Variants in TMEM132B observed in about 807,000 individuals in gnomAD.
TMEM132B encodes the protein transmembrane protein 132B.
A neutral mutation model predicts 90.8 loss-of-function variants in TMEM132B; 18 were observed. The observed-to-expected ratio is 0.20, with a 90% CI of 0.14 to 0.29. TMEM132B has a LOEUF of 0.29. TMEM132B is among the 10% of genes least tolerant of loss of function. The probability of loss-of-function intolerance (pLI) is 1.00; values close to 1 mark genes in which losing one functional copy is unlikely to be tolerated. For synonymous variants in TMEM132B, 504 were observed against 523.3 expected, an observed-to-expected ratio of 0.96 and a Z score of 0.50; for missense variants, 1,096 against 1,326.8, an observed-to-expected ratio of 0.83 and a Z score of 2.70.
chr12:125,556,111 G>T (rs1884379406), intron 4 of TMEM132B, among the ~76,000 whole-genome samples: 1 of 152,216 alleles, frequency 6.6e-6, no homozygotes, highest in South Asian at 2.1e-4. Flanking sequence ...CGAGCTGTCA[G>T]AATTGGTATC....
At chr12:125,204,876 C>A (rs1455419169) in intron 1 of TMEM132B, among the ~76,000 whole-genome samples, 1 of 146,504 alleles carries the variant, frequency 6.8e-6, no homozygotes, top group Non-Finnish European at 1.5e-5. Context: ...TGTGGAGTAT[C>A]TCATGAATCC....
At chr12:125,374,490 T>TA (rs1566016805) in intron 2 of TMEM132B, among the ~76,000 whole-genome samples, 1 of 151,950 alleles carries the variant, frequency 6.6e-6, no homozygotes, top group African/African-American at 2.4e-5. Context: ...AACTAGTAAT[T>TA]AGACAGTCCC....
intron 4 of TMEM132B, among the ~76,000 whole-genome samples, chr12:125,581,786 T>C (rs558072861): frequency 1.3e-5 from 2 of 152,200 alleles, no homozygotes; most frequent in African/African-American, 4.8e-5. Context: ...ACAATCTCTG[T>C]TCCTTGTATT....
At chr12:125,203,894 G>T (rs1873123479) in intron 1 of TMEM132B, among the ~76,000 whole-genome samples, 1 of 152,168 alleles carries the variant, frequency 6.6e-6, no homozygotes, top group South Asian at 2.1e-4. Flanking sequence ...AGAGTACTTT[G>T]AACAGGGAAA....
chr12:125,365,973 C>G (rs1878120937), intron 2 of TMEM132B, among the ~76,000 whole-genome samples: 1 of 151,972 alleles, frequency 6.6e-6, no homozygotes, highest in African/African-American at 2.4e-5. Flanking sequence ...CTTCCATCTA[C>G]TGTATTTTTG....
intron 2 of TMEM132B, among the ~76,000 whole-genome samples, chr12:125,389,213 G>A (rs926144968): frequency 6.6e-6 from 1 of 152,098 alleles, no homozygotes; most frequent in African/African-American, 2.4e-5. Flanking sequence ...ATTTCAGGGA[G>A]TACTAAGTGT....
rs200315313 is a variant in TMEM132B at position 125,604,682 on chromosome 12, C to CAGGA, written c.1437+20689_1437+20692dup. 3.7e-3 allele frequency among the ~76,000 whole-genome samples: 559 copies of CAGGA among 152,242 alleles called. 3 individuals are homozygous for CAGGA. Among genetic ancestry groups the CAGGA allele is most frequent in the African/African-American group, 0.013 (522 of 41,540 alleles). ...CCACAAGGTGCAATATGAATCATGCCAGGAGCTCCTTGGATGTGGTGGAGC... is the reference window on the plus strand; with the variant it reads ...CCACAAGGTGCAATATGAATCATGCCAGGAAGGAGCTCCTTGGATGTGGTGGAGC... On this transcript the variant is annotated intron_variant, in intron 5 of 8. Transcript: ENST00000682704.
intron 2 of TMEM132B, among the ~76,000 whole-genome samples, chr12:125,375,993 G>T (rs183165344): frequency 2.9e-4 from 44 of 152,332 alleles, no homozygotes; most frequent in Admixed American, 5.9e-4. Context: ...TACTCTTGGT[G>T]CTGAGGTAGC....
chr12:125,337,596 C>T (rs979805955), intron 1 of TMEM132B, among the ~76,000 whole-genome samples: 5 of 152,178 alleles, frequency 3.3e-5, no homozygotes, highest in East Asian at 1.9e-4. Context: ...ATATGCAATA[C>T]GGTCGACGAG....
At chr12:125,543,322 C>T (rs1884003875) in intron 4 of TMEM132B, among the ~76,000 whole-genome samples, 2 of 152,148 alleles carry the variant, frequency 1.3e-5, no homozygotes, top group South Asian at 2.1e-4. Flanking sequence ...AAAAATAATA[C>T]AACCATAAAC....
chr12:125,360,233 A>C (rs574061416), intron 2 of TMEM132B, among the ~76,000 whole-genome samples: 2 of 152,288 alleles, frequency 1.3e-5, no homozygotes, highest in East Asian at 3.9e-4. Flanking sequence ...TAACCAGACA[A>C]ACTTTAATAA....
intron 1 of TMEM132B, among the ~76,000 whole-genome samples, chr12:125,287,117 C>G (rs1875382100): frequency 6.6e-6 from 1 of 151,488 alleles, no homozygotes; most frequent in South Asian, 2.1e-4. Context: ...AATCAGCCTC[C>G]CTCTCCATCT....
intron 4 of TMEM132B, among the ~76,000 whole-genome samples, chr12:125,543,719 G>A (rs753617556): frequency 1.2e-4 from 18 of 152,152 alleles, no homozygotes; most frequent in African/African-American, 2.9e-4. Flanking sequence ...GCGAGGTTGC[G>A]GAGAAATAGG....
chr12:125,584,624 G>A (rs1410778643), intron 5 of TMEM132B: 1 of 152,400 alleles, frequency 6.6e-6, no homozygotes, highest in African/African-American at 2.4e-5. Flanking sequence ...AATATAACCA[G>A]TGGGATACAG....
intron 1 of TMEM132B, among the ~76,000 whole-genome samples, chr12:125,267,560 T>C (rs1373214744): frequency 6.6e-6 from 1 of 152,202 alleles, no homozygotes; most frequent in African/African-American, 2.4e-5. Flanking sequence ...GTTCTTCTGA[T>C]AGGCACATTG....
rs1205310075 is a variant in TMEM132B at position 125,469,642 on chromosome 12, T to TCCAGC, written c.1107-49794_1107-49790dup. 3.9e-5 allele frequency among the ~76,000 whole-genome samples: 6 copies of TCCAGC among 152,352 alleles called. No individual in the cohort carries two copies. The East Asian group carries it at 1.2e-3, about 29-fold the overall frequency. ...CCACTGGAGCTCAGGTCACCCGGTT[T>TCCAGC]CCAGCCCGGTGTCTTCTCCCCTCAA... On this transcript the variant is annotated intron_variant, in intron 3 of 8. Transcript: ENST00000682704.
At chr12:125,614,842 T>C (rs775796534) in intron 5 of TMEM132B, among the ~76,000 whole-genome samples, 1 of 152,196 alleles carries the variant, frequency 6.6e-6, no homozygotes, top group Non-Finnish European at 1.5e-5. Flanking sequence ...GAACTTCCTT[T>C]ACCATTTCTT....
chr12:125,603,344 A>G (rs1885614391), intron 5 of TMEM132B, among the ~76,000 whole-genome samples: 1 of 152,192 alleles, frequency 6.6e-6, no homozygotes, highest in African/African-American at 2.4e-5. Context: ...GACAAAAGCA[A>G]TGGGGAAAGG....
chr12:125,252,661 GTCT>G (rs1874342572), intron 1 of TMEM132B, among the ~76,000 whole-genome samples: 1 of 152,202 alleles, frequency 6.6e-6, no homozygotes, highest in East Asian at 1.9e-4. Flanking sequence ...TCTCAGAGAA[GTCT>G]TCTGCTGTGG....
Sources: gnomAD v4.1 joint callset for allele counts (sites outside exome capture counted in the v4.1 genomes callset) on GRCh38, gnomAD v4.1.1 for gene constraint, MANE v1.5 for transcripts, NCBI Gene and HGNC (gene_info 2026-07-23, HGNC 2026-07-21) for gene names.